Variants in KIFAP3 observed in about 807,000 individuals in gnomAD.
KIFAP3 encodes kinesin-associated protein 3.
KIFAP3 carries 68 observed loss-of-function variants against 106.5 expected under a neutral mutation model. The observed-to-expected ratio is 0.64, with a 90% CI of 0.53 to 0.78. KIFAP3 has a LOEUF of 0.78. Among genes scored for constraint, KIFAP3 ranks in the 30% least tolerant of loss-of-function variants. The pLI is 0.00. For missense variants in KIFAP3, 780 were observed against 941.8 expected, an observed-to-expected ratio of 0.83 and a Z score of 2.25; for synonymous variants, 320 against 311.5, an observed-to-expected ratio of 1.03 and a Z score of -0.29.
chr1:170,077,772 G>T (rs1030867092), upstream of KIFAP3, among the ~76,000 whole-genome samples: 3 of 152,032 alleles, frequency 2.0e-5, no homozygotes, highest in Admixed American at 2.0e-4. Flanking sequence ...CTATAATTTT[G>T]CCTTTTCCAG....
chr1:170,032,695 A>G (rs1160080966), intron 7 of KIFAP3, among the ~76,000 whole-genome samples: 1 of 151,700 alleles, frequency 6.6e-6, no homozygotes, highest in Non-Finnish European at 1.5e-5. Flanking sequence ...GGACATAATA[A>G]AATAGCAACA....
chr1:169,947,389 C>A (rs1295101829), intron 19 of KIFAP3, among the ~76,000 whole-genome samples: 7 of 151,848 alleles, frequency 4.6e-5, no homozygotes, highest in Admixed American at 1.3e-4. Context: ...AGAGGTTCTA[C>A]TGCGTATGTT....
chr1:169,932,110 C>T (rs114326802), intron 19 of KIFAP3, among the ~76,000 whole-genome samples: 1,779 of 152,266 alleles, frequency 0.012, 19 homozygotes, highest in South Asian at 0.019. Flanking sequence ...ATACTTAAAA[C>T]CTCTTGGATT....
At position 170,005,879 on chromosome 1, in the gene KIFAP3, A is replaced by C. The variant is rs952035213; in HGVS notation, c.1183+10583T>G. On this transcript the variant is annotated intron_variant, in intron 10 of 19. Transcript: ENST00000361580. ...CAATAATAATAAAATTAAAAAAAAA[A>C]CCCTGTATACCCAGGTCTAGAAATA... Among the ~76,000 whole-genome samples the C allele has an allele frequency of 7.9e-5, 12 of 151,536 alleles. 1 individual carries two copies. Among genetic ancestry groups the C allele is most frequent in the Non-Finnish European group, 1.8e-4 (12 of 67,792 alleles).
At chr1:170,069,033 A>G (rs1413696215) in intron 1 of KIFAP3, 1 of 152,174 alleles carries the variant, frequency 6.6e-6, no homozygotes, top group Non-Finnish European at 1.5e-5. Flanking sequence ...AAAATCAGAA[A>G]TGAAAGTGGG....
intron 1 of KIFAP3, 130 bp from the exon 2 acceptor site, chr1:170,055,566 G>A: frequency 1.8e-6 from 1 of 569,460 alleles, no homozygotes; most frequent in Non-Finnish European, 2.9e-6. Flanking sequence ...TCTTGACTTG[G>A]GATTAGAGAT....
chr1:169,983,166 G>T, intron 13 of KIFAP3, 104 bp downstream of exon 13: 2 of 694,376 alleles, frequency 2.9e-6, no homozygotes, highest in Non-Finnish European at 2.4e-6. Context: ...GAGCAATTTG[G>T]ATTATAAATT....
chr1:170,082,597 T>G (rs900451803), intron 1 of KIFAP3, among the ~76,000 whole-genome samples: 1 of 152,254 alleles, frequency 6.6e-6, no homozygotes, highest in Non-Finnish European at 1.5e-5. Context: ...TGTATATAAA[T>G]TATTTCCTAA....
At chr1:169,962,605 T>G (rs538441532) in intron 17 of KIFAP3, among the ~76,000 whole-genome samples, 1 of 152,096 alleles carries the variant, frequency 6.6e-6, no homozygotes, top group Non-Finnish European at 1.5e-5. Context: ...AACTAAGAGG[T>G]AGACCAAATA....
chr1:169,948,899 T>A (rs920106519), intron 19 of KIFAP3, among the ~76,000 whole-genome samples: 3 of 151,980 alleles, frequency 2.0e-5, no homozygotes, highest in Admixed American at 2.0e-4. Flanking sequence ...ACAGAGAATA[T>A]GTAATTTTGA....
chr1:169,947,842 C>A (rs1039096190), intron 19 of KIFAP3, among the ~76,000 whole-genome samples: 43 of 151,384 alleles, frequency 2.8e-4, no homozygotes, highest in African/African-American at 9.9e-4. Context: ...TGTGGTAAAT[C>A]ATTTAAAAAG....
At chr1:170,030,918 A>G (rs1363140958) in intron 8 of KIFAP3, among the ~76,000 whole-genome samples, 3 of 151,766 alleles carry the variant, frequency 2.0e-5, no homozygotes, top group Non-Finnish European at 1.5e-5. Flanking sequence ...AAATTTATCA[A>G]ATTATATACT....
rs1669787585 is a variant in KIFAP3, at chr1:170,038,283, T to C, written c.517+7A>G. 6.3e-7 allele frequency: 1 copy of C among 1,578,742 alleles called. No individual in the cohort carries two copies. Among genetic ancestry groups the C allele is most frequent in the African/African-American group, 1.4e-5 (1 of 72,728 alleles). The stretch of plus-strand genomic sequence containing the variant: ...TATTATAATTAAACATGTTTTATAG[T>C]AATCACCATTCAATAGTAGTTCTTC... On this transcript the variant is annotated splice_region_variant and intron_variant, in intron 5 of 19. Coordinates refer to ENST00000361580, the MANE Select transcript of KIFAP3 (RefSeq NM_014970.4).
At position 169,954,025 on chromosome 1, in the gene KIFAP3, A is replaced by ATGC; in HGVS notation, c.2256_2258dup (p.Gln752dup). 1.2e-6 allele frequency: 2 copies of ATGC among 1,612,590 alleles called. No individual in the cohort carries two copies. Among genetic ancestry groups the ATGC allele is most frequent in the Non-Finnish European group, 1.7e-6 (2 of 1,178,638 alleles). The stretch of plus-strand genomic sequence containing the variant: ...AAACTGTTTACCTGCCAGGAAATGA[A>ATGC]TGCTGCCCAACAACATCTCCATTTT... On this transcript the variant is annotated inframe_insertion, in exon 19 of 20. Coordinates refer to ENST00000361580, the MANE Select transcript of KIFAP3 (RefSeq NM_014970.4).
intron 11 of KIFAP3, among the ~76,000 whole-genome samples, chr1:169,989,417 T>C (rs1465073256): frequency 6.6e-6 from 1 of 152,050 alleles, no homozygotes; most frequent in Admixed American, 6.6e-5. Flanking sequence ...TTTTGGCTGC[T>C]TTCCAGTTCA....
chr1:170,039,668 C>G (rs145731629), intron 3 of KIFAP3, among the ~76,000 whole-genome samples: 5 of 151,192 alleles, frequency 3.3e-5, no homozygotes, highest in African/African-American at 1.2e-4. Flanking sequence ...GAAAAAAGTA[C>G]GACTTGAGTA....
chr1:169,981,916 A>G, intron 15 of KIFAP3, 56 bp downstream of exon 15: 1 of 1,379,442 alleles, frequency 7.2e-7, no homozygotes, highest in Non-Finnish European at 1.0e-6. Flanking sequence ...ATATTTAAAT[A>G]TTTAAATCAA....
At chr1:170,073,538 C>T (rs949745029) in intron 1 of KIFAP3, among the ~76,000 whole-genome samples, 7 of 152,156 alleles carry the variant, frequency 4.6e-5, no homozygotes, top group African/African-American at 1.7e-4. Context: ...AAAAGTATTT[C>T]ATCTTTCGTC....
chr1:170,020,478 G>A (rs183387535), intron 9 of KIFAP3, among the ~76,000 whole-genome samples: 170 of 152,084 alleles, frequency 1.1e-3, no homozygotes, highest in African/African-American at 2.4e-3. Context: ...TTTTTGAGAC[G>A]GAGTCTTGCT....
Sources: gnomAD v4.1 joint callset for allele counts (sites outside exome capture counted in the v4.1 genomes callset) on GRCh38, gnomAD v4.1.1 for gene constraint, MANE v1.5 for transcripts, NCBI Gene and HGNC (gene_info 2026-07-23, HGNC 2026-07-21) for gene names.